Variants in SLCO1C1 observed in about 807,000 individuals in gnomAD.
SLCO1C1 encodes OAT-RP-5.
In SLCO1C1, 70 loss-of-function variants were observed where a neutral mutation model predicts 76.4. The observed-to-expected ratio is 0.92, with a 90% CI of 0.76 to 1.12. The LOEUF (loss-of-function observed/expected upper bound fraction) is 1.12, where lower values mean the gene tolerates loss of function less well. Among genes scored for constraint, SLCO1C1 ranks in the 50% most tolerant of loss-of-function variants. The pLI, the probability that SLCO1C1 is intolerant of heterozygous loss-of-function variation, is 0.00. For missense variants in SLCO1C1, 912 were observed against 823.8 expected, an observed-to-expected ratio of 1.11 and a Z score of -1.31; for synonymous variants, 306 against 286.1, an observed-to-expected ratio of 1.07 and a Z score of -0.70.
chr12:20,705,376 A>C (rs1383813171), intron 3 of SLCO1C1, among the ~76,000 whole-genome samples: 1 of 151,944 alleles, frequency 6.6e-6, no homozygotes, highest in Non-Finnish European at 1.5e-5. Context: ...ATGTGGAATA[A>C]TTTTTATTTC....
In SLCO1C1 at chr12:20,717,268, G is replaced by A. The variant is rs765570973; in HGVS notation, c.775+38G>A. The A allele has an allele frequency of 8.6e-6, 13 of 1,504,864 alleles. No homozygotes were observed. In the East Asian group the frequency reaches 1.9e-4, roughly 22 times the overall value. The allele number at this position is 1,504,864 out of a possible 1,614,324, so 93.2% of individuals were successfully genotyped here. A position where few individuals can be genotyped will look rare whatever the true frequency, so the allele number is the denominator to read the frequency against. ...ATTTTTTATTTATTCATGTATTTTA[G>A]TCACTGTAACATTTTTAATGGGAAC... On this transcript the variant is annotated intron_variant, in intron 7 of 14. Coordinates refer to ENST00000266509, the MANE Select transcript of SLCO1C1 (RefSeq NM_017435.5).
At chr12:20,720,000 C>T (rs939038482) in intron 7 of SLCO1C1, among the ~76,000 whole-genome samples, 4 of 152,182 alleles carry the variant, frequency 2.6e-5, no homozygotes, top group Non-Finnish European at 4.4e-5. Flanking sequence ...GACAGGGTGA[C>T]TCTCTTGTTA....
intron 4 of SLCO1C1, among the ~76,000 whole-genome samples, chr12:20,709,156 TA>T (rs1279424189): frequency 6.6e-6 from 1 of 152,144 alleles, no homozygotes; most frequent in Non-Finnish European, 1.5e-5. Context: ...GGGTCAGAAT[TA>T]AAACCCCTAA....
intron 5 of SLCO1C1, among the ~76,000 whole-genome samples, chr12:20,714,479 A>G (rs1169334842): frequency 1.3e-5 from 2 of 152,180 alleles, no homozygotes; most frequent in East Asian, 3.8e-4. Context: ...TTAGCCTTGA[A>G]TTTTACTCTA....
intron 1 of SLCO1C1, among the ~76,000 whole-genome samples, chr12:20,699,038 C>CT (rs1310389126): frequency 2.6e-5 from 4 of 152,006 alleles, no homozygotes; most frequent in East Asian, 1.9e-4. Context: ...TGGACCTCTT[C>CT]TTTTTTGTCA....
Position 20,699,509 on chromosome 12 carries a change from C to A in SLCO1C1, c.-25-43C>A, listed in dbSNP as rs914131211. The A allele has an allele frequency of 5.2e-6, 7 of 1,337,154 alleles. No homozygotes were observed. The East Asian group carries it at 1.1e-4, about 20-fold the overall frequency. The allele number at this position is 1,337,154 out of a possible 1,614,324, so 82.8% of individuals were successfully genotyped here. A position where few individuals can be genotyped will look rare whatever the true frequency, so the allele number is the denominator to read the frequency against. ...TTGAATAAAAAAATTTAATAAATTG[C>A]GTAGTATTTATTTATTTTTACTTTA... On this transcript the variant is annotated intron_variant, in intron 1 of 14. Coordinates refer to ENST00000266509, the MANE Select transcript of SLCO1C1 (RefSeq NM_017435.5).
chr12:20,717,507 A>G (rs1283990186), intron 7 of SLCO1C1, among the ~76,000 whole-genome samples: 1 of 151,854 alleles, frequency 6.6e-6, no homozygotes, highest in African/African-American at 2.4e-5. Flanking sequence ...CATAGTTAAG[A>G]CTGAAAACTG....
intron 9 of SLCO1C1, among the ~76,000 whole-genome samples, chr12:20,732,456 C>A (rs1268381564): frequency 6.6e-6 from 1 of 152,036 alleles, no homozygotes; most frequent in Non-Finnish European, 1.5e-5. Flanking sequence ...AGGAAGGATA[C>A]CACACTCAAA....
chr12:20,722,993 C>A, intron 8 of SLCO1C1, 97 bp from the exon 9 acceptor site: 1 of 1,066,680 alleles, frequency 9.4e-7, no homozygotes, highest in South Asian at 1.5e-5. Context: ...AACTGTGTGA[C>A]AATGGGCCCC....
At chr12:20,735,409 G>A (rs1948492672) in intron 10 of SLCO1C1, among the ~76,000 whole-genome samples, 1 of 152,170 alleles carries the variant, frequency 6.6e-6, no homozygotes, top group Non-Finnish European at 1.5e-5. Context: ...TCCTTGATCT[G>A]CCAAGTAAGA....
At chr12:20,704,413 AT>A (rs1946679041) in intron 3 of SLCO1C1, among the ~76,000 whole-genome samples, 1 of 151,774 alleles carries the variant, frequency 6.6e-6, no homozygotes, top group African/African-American at 2.4e-5. Context: ...GTCAACTTTC[AT>A]TTTATGTTGG....
At chr12:20,732,516 A>G (rs1458692029) in intron 9 of SLCO1C1, among the ~76,000 whole-genome samples, 1 of 152,224 alleles carries the variant, frequency 6.6e-6, no homozygotes, top group East Asian at 1.9e-4. Flanking sequence ...CGGGAGGCAG[A>G]AAATAGAAAC....
Position 20,733,112 on chromosome 12 carries a change from C to G in SLCO1C1, c.1382+8C>G, listed in dbSNP as rs1298096065. ...AACTGTCTCCTACCAAGGGTATGTTCCCTCATTAAATAGTTTGAGGATATT... is the reference window on the plus strand; with the variant it reads ...AACTGTCTCCTACCAAGGGTATGTTGCCTCATTAAATAGTTTGAGGATATT... On this transcript the variant is annotated splice_region_variant and intron_variant, in intron 10 of 14. Transcript: ENST00000266509. 1 of 1,544,096 alleles carries G rather than the reference C, an allele frequency of 6.5e-7. No individual in the cohort carries two copies. The highest frequency in any genetic ancestry group is 1.4e-5 in the African/African-American group (1 of 72,112).
chr12:20,700,088 CT>C (rs35830344), intron 2 of SLCO1C1: 91,807 of 148,458 alleles, frequency 0.62, 28,188 homozygotes, highest in East Asian at 0.82. Context: ...AGAAGAGTTG[CT>C]TTTTTTTTTT....
chr12:20,723,023 G>C, intron 8 of SLCO1C1, 67 bp from the exon 9 acceptor site: 1 of 1,425,888 alleles, frequency 7.0e-7, no homozygotes, highest in Non-Finnish European at 9.6e-7. Context: ...AGTCCTGCCA[G>C]CACGGCTACT....
chr12:20,727,785 A>G (rs1158634049), intron 9 of SLCO1C1, among the ~76,000 whole-genome samples: 1 of 152,246 alleles, frequency 6.6e-6, no homozygotes, highest in Non-Finnish European at 1.5e-5. Flanking sequence ...CTGGGATTAC[A>G]GGCGTGAGCC....
intron 7 of SLCO1C1, among the ~76,000 whole-genome samples, chr12:20,719,947 C>T (rs983408923): frequency 6.6e-5 from 10 of 152,180 alleles, no homozygotes; most frequent in Admixed American, 2.0e-4. Context: ...AGGACCTTCA[C>T]AGCCATAGAG....
In SLCO1C1 at chr12:20,709,806, G is replaced by C. The variant is rs1185698919; in HGVS notation, c.405-1580G>C. Reference sequence around the variant, plus strand: ...TGAGGCAGGAGAATGGCGTGAACCCGGGAAGCGGAGCTTGCAGTGAGCCGA... The same window carrying C: ...TGAGGCAGGAGAATGGCGTGAACCCCGGAAGCGGAGCTTGCAGTGAGCCGA... On this transcript the variant is annotated intron_variant, in intron 4 of 14. Transcript: ENST00000266509. 8.7e-5 allele frequency among the ~76,000 whole-genome samples: 4 copies of C among 45,924 alleles called. 1 individual carries two copies. Among genetic ancestry groups the C allele is most frequent in the African/African-American group, 2.8e-4 (4 of 14,294 alleles). 30.1% of individuals were successfully genotyped at this position (45,924 alleles called of 152,430 possible). A position where few individuals can be genotyped will look rare whatever the true frequency, so the allele number is the denominator to read the frequency against.
Position 20,752,695 on chromosome 12 carries a change from T to C in SLCO1C1, c.*167T>C. 3 of 430,018 alleles carry C rather than the reference T, an allele frequency of 7.0e-6. No homozygotes were observed. The highest frequency in any genetic ancestry group is 1.2e-5 in the Non-Finnish European group (3 of 246,370). 26.6% of individuals were successfully genotyped at this position (430,018 alleles called of 1,614,324 possible). The stretch of plus-strand genomic sequence containing the variant: ...ATATAACTGATAATATACTGAAACA[T>C]ATAATGGAAGATGCAGATGATAAAA... On this transcript the variant is annotated 3_prime_UTR_variant, in exon 15 of 15. Transcript: ENST00000266509.
Sources: gnomAD v4.1 joint callset for allele counts (sites outside exome capture counted in the v4.1 genomes callset) on GRCh38, gnomAD v4.1.1 for gene constraint, MANE v1.5 for transcripts, NCBI Gene and HGNC (gene_info 2026-07-23, HGNC 2026-07-21) for gene names.